The following PTPRD variants were observed in gnomAD, a reference collection of about 807,000 sequenced individuals.
PTPRD encodes receptor-type tyrosine-protein phosphatase delta.
In PTPRD, 34 loss-of-function variants were observed where a neutral mutation model predicts 214.5. The observed-to-expected ratio is 0.16, with a 90% CI of 0.12 to 0.21. The LOEUF (loss-of-function observed/expected upper bound fraction) is 0.21. Ranked by LOEUF, PTPRD falls within the 10% of genes least tolerant of loss-of-function variation. The pLI, the probability that PTPRD is intolerant of heterozygous loss-of-function variation, is 1.00. For synonymous variants in PTPRD, 1,128 were observed against 845.7 expected (o/e 1.33, Z -5.79); for missense variants, 2,545 against 2,398.7 (o/e 1.06, Z -1.27).
intron 10 of PTPRD, among the ~76,000 whole-genome samples, chr9:9,046,320 G>A (rs906068220): frequency 4.6e-5 from 7 of 152,172 alleles, no homozygotes; most frequent in Non-Finnish European, 1.0e-4. Flanking sequence ...CCAGCAACAT[G>A]TGATTTAAAC....
intron 2 of PTPRD, among the ~76,000 whole-genome samples, chr9:10,364,904 G>A (rs2097484834): frequency 6.6e-6 from 1 of 152,114 alleles, no homozygotes; most frequent in Admixed American, 6.5e-5. Context: ...CTGTACAATG[G>A]TAAGAGAAAG....
intron 8 of PTPRD, among the ~76,000 whole-genome samples, chr9:9,546,236 A>C (rs828831): frequency 2.0e-5 from 3 of 150,958 alleles, no homozygotes; most frequent in Non-Finnish European, 4.4e-5. Context: ...TTGTTGTGGA[A>C]TTTTTGGAAT....
chr9:9,218,761 A>G (rs989871288), intron 9 of PTPRD, among the ~76,000 whole-genome samples: 1 of 152,094 alleles, frequency 6.6e-6, no homozygotes, highest in African/African-American at 2.4e-5. Flanking sequence ...ATGAGAATAC[A>G]AGCAAAGAGC....
intron 11 of PTPRD, among the ~76,000 whole-genome samples, chr9:8,820,320 G>C (rs1387252141): frequency 6.6e-6 from 1 of 152,060 alleles, no homozygotes; most frequent in African/African-American, 2.4e-5. Context: ...ACTGTACTAG[G>C]CAATCTAGCT....
At chr9:8,667,421 T>C (rs1378599651) in intron 12 of PTPRD, among the ~76,000 whole-genome samples, 2 of 152,162 alleles carry the variant, frequency 1.3e-5, no homozygotes, top group South Asian at 2.1e-4. Flanking sequence ...CAACATATCC[T>C]CATGTACTGG....
chr9:9,994,421 A>G (rs2096056541), intron 4 of PTPRD, among the ~76,000 whole-genome samples: 1 of 152,144 alleles, frequency 6.6e-6, no homozygotes, highest in Admixed American at 6.6e-5. Context: ...CTCTTCTCCC[A>G]TACTGTATAT....
intron 7 of PTPRD, among the ~76,000 whole-genome samples, chr9:9,721,847 G>A (rs575706626): frequency 6.6e-6 from 1 of 152,040 alleles, no homozygotes; most frequent in African/African-American, 2.4e-5. Flanking sequence ...GCATTGAAAT[G>A]TGGAATGAAC....
chr9:9,178,419 AAC>A (rs2099926241), intron 10 of PTPRD, among the ~76,000 whole-genome samples: 2 of 151,762 alleles, frequency 1.3e-5, no homozygotes, highest in South Asian at 2.1e-4. Flanking sequence ...TGTGGTTTTA[AAC>A]ACAGAATAAA....
chr9:8,787,428 C>G (rs1045622797), intron 11 of PTPRD, among the ~76,000 whole-genome samples: 1 of 152,100 alleles, frequency 6.6e-6, no homozygotes, highest in South Asian at 2.1e-4. Flanking sequence ...TGCCCTTTAT[C>G]TTAAAATTTT....
At chr9:10,581,197 C>T (rs967509388) in intron 2 of PTPRD, among the ~76,000 whole-genome samples, 7 of 152,106 alleles carry the variant, frequency 4.6e-5, no homozygotes, top group African/African-American at 9.7e-5. Context: ...ACTTATAACG[C>T]TACCTGGTGC....
At chr9:10,072,362 G>C (rs979375702) in intron 3 of PTPRD, among the ~76,000 whole-genome samples, 3 of 152,066 alleles carry the variant, frequency 2.0e-5, no homozygotes, top group Non-Finnish European at 2.9e-5. Flanking sequence ...GTCCAGAGTT[G>C]GTTCCTTCCA....
intron 3 of PTPRD, among the ~76,000 whole-genome samples, chr9:10,255,840 A>G (rs1343546681): frequency 6.6e-6 from 1 of 152,174 alleles, no homozygotes; most frequent in Non-Finnish European, 1.5e-5. Context: ...AACTGTTTTG[A>G]AAAACTAAGA....
chr9:8,589,186 T>G (rs540665954), intron 14 of PTPRD, among the ~76,000 whole-genome samples: 1 of 152,320 alleles, frequency 6.6e-6, no homozygotes, highest in South Asian at 2.1e-4. Flanking sequence ...CTTTACACTA[T>G]GAAGAGTTGC....
At chr9:10,379,428 T>A (rs938679379) in intron 2 of PTPRD, among the ~76,000 whole-genome samples, 1 of 151,962 alleles carries the variant, frequency 6.6e-6, no homozygotes, top group African/African-American at 2.4e-5. Context: ...AAAGTTAGCA[T>A]CCTTGTTGCA....
intron 14 of PTPRD, among the ~76,000 whole-genome samples, chr9:8,547,579 G>A (rs986483887): frequency 3.3e-5 from 5 of 151,036 alleles, no homozygotes; most frequent in African/African-American, 1.2e-4. Flanking sequence ...GGAGGTTGAG[G>A]CTACAGTGAG....
intron 11 of PTPRD, among the ~76,000 whole-genome samples, chr9:8,919,254 G>T (rs924876244): frequency 3.3e-5 from 5 of 151,922 alleles, no homozygotes; most frequent in Admixed American, 6.6e-5. Context: ...TTAGCTGGGC[G>T]TGGTGGTGCA....
intron 11 of PTPRD, among the ~76,000 whole-genome samples, chr9:8,870,349 C>T (rs536971728): frequency 1.3e-5 from 2 of 152,054 alleles, no homozygotes; most frequent in East Asian, 3.9e-4. Context: ...TGTAATTACT[C>T]CTAATCCACA....
intron 10 of PTPRD, among the ~76,000 whole-genome samples, chr9:9,019,153 T>C (rs902611819): frequency 6.6e-6 from 1 of 152,092 alleles, no homozygotes; most frequent in African/African-American, 2.4e-5. Flanking sequence ...GTTAAGATTT[T>C]AATTCCTTGG....
At chr9:9,119,450 T>C (rs2099815535) in intron 10 of PTPRD, among the ~76,000 whole-genome samples, 1 of 152,066 alleles carries the variant, frequency 6.6e-6, no homozygotes, top group Non-Finnish European at 1.5e-5. Context: ...CATATTGAAA[T>C]CCAGGCACAG....
Sources: allele counts gnomAD v4.1 joint callset (sites outside exome capture counted in the v4.1 genomes callset), GRCh38; gene constraint gnomAD v4.1.1; transcripts MANE v1.5; gene names NCBI Gene and HGNC (gene_info 2026-07-23, HGNC 2026-07-21).